Variants in ABCA12 observed in about 807,000 individuals in gnomAD.
ABCA12 encodes glucosylceramide transporter ABCA12.
In ABCA12, 156 loss-of-function variants were observed where a neutral mutation model predicts 293.5. The ratio of observed to expected loss-of-function variants is 0.53; its 90% CI spans 0.47 to 0.61. The LOEUF (loss-of-function observed/expected upper bound fraction) is 0.61, where lower values mean the gene tolerates loss of function less well. Among genes scored for constraint, ABCA12 ranks in the 20% least tolerant of loss-of-function variants. The pLI is 0.00. For missense variants in ABCA12, 2,797 were observed against 3,090.2 expected (o/e 0.91, Z 2.25); for synonymous variants, 1,063 against 1,108.0 (o/e 0.96, Z 0.81).
At position 215,019,441 on chromosome 2, in the gene ABCA12, C is replaced by A; in HGVS notation, c.1552G>T (p.Glu518Ter). ...KINLNMDQFLEQALQMNYLEN... is the reference protein window; with the variant it reads ...KINLNMDQFL ...AAGTAATTCATTTGCAGTGCCTGTT[C>A]TAGAAACCTGGAACAAAACAGAAAA... Residue 518 changes from glutamate (E) to a stop codon, truncating the protein, a stop_gained, in exon 13 of 53, where the codon GAA (glutamate) becomes TAA (stop). Transcript: ENST00000272895. LOFTEE classifies it high-confidence loss of function. The A allele has an allele frequency of 6.2e-7, 1 of 1,613,912 alleles. No individual in the cohort carries two copies. The highest frequency in any genetic ancestry group is 1.1e-5 in the South Asian group (1 of 91,078).
rs908928400 is a variant in ABCA12 at position 215,078,115 on chromosome 2, C to T, written c.164-13896G>A. 4.6e-5 allele frequency among the ~76,000 whole-genome samples: 7 copies of T among 152,196 alleles called. No individual in the cohort carries two copies. In the East Asian group the frequency reaches 5.8e-4, roughly 13 times the overall value. On this transcript the variant is annotated intron_variant, in intron 2 of 52. Transcript: ENST00000272895. The stretch of plus-strand genomic sequence containing the variant: ...TGTGAATTCCCAAGATCTCTCTTCT[C>T]GCATTTTTAAAAAACAGGTTAGCCA...
intron 1 of ABCA12, among the ~76,000 whole-genome samples, chr2:215,114,019 G>A (rs1702632103): frequency 6.6e-6 from 1 of 152,160 alleles, no homozygotes; most frequent in Admixed American, 6.5e-5. Flanking sequence ...TCTGTCGCCA[G>A]GCTGGAGTGC....
chr2:215,040,972 C>T (rs28848242), intron 7 of ABCA12, among the ~76,000 whole-genome samples: 12,922 of 152,060 alleles, frequency 0.085, 1,543 homozygotes, highest in African/African-American at 0.27. Flanking sequence ...CCTACTAAGC[C>T]GTGCAACCTG....
intron 2 of ABCA12, among the ~76,000 whole-genome samples, chr2:215,105,308 G>A (rs1397276262): frequency 1.3e-5 from 2 of 152,116 alleles, no homozygotes. Context: ...CCCTGGATGT[G>A]AGCTTGGCTT....
chr2:215,027,030 T>C, intron 9 of ABCA12, 92 bp from the exon 10 acceptor site: 2 of 931,960 alleles, frequency 2.1e-6, no homozygotes, highest in South Asian at 1.3e-5. Context: ...TGTTTGGCAT[T>C]GGTTGACTTG....
chr2:215,075,582 T>C (rs1173289224), intron 2 of ABCA12: 1 of 694,454 alleles, frequency 1.4e-6, no homozygotes. Flanking sequence ...ATCTGGGCCA[T>C]CCATCCATCA....
chr2:214,955,130 A>G, intron 43 of ABCA12, 72 bp downstream of exon 43: 2 of 1,535,904 alleles, frequency 1.3e-6, no homozygotes, highest in Non-Finnish European at 1.8e-6. Flanking sequence ...TTTTTTATGT[A>G]GAATAAATAA....
rs1698745415 is a variant in ABCA12 at position 214,950,924 on chromosome 2, CTTT to C, written c.6804_6806del (p.Lys2269del). 6.2e-7 allele frequency: 1 copy of C among 1,614,000 alleles called. No individual in the cohort carries two copies. The highest frequency in any genetic ancestry group is 1.1e-5 in the South Asian group (1 of 91,082). ...TGCTGATGTTGTTTACAGCTATAAT[CTTT>C]TTGTGGATAAGTTGGTAGGTCTTTG... On this transcript the variant is annotated inframe_deletion, in exon 45 of 53. Coordinates refer to ENST00000272895, the MANE Select transcript of ABCA12 (RefSeq NM_173076.3).
intron 18 of ABCA12, among the ~76,000 whole-genome samples, chr2:215,008,394 AAAAC>A (rs932216054): frequency 2.6e-5 from 4 of 151,786 alleles, no homozygotes; most frequent in African/African-American, 9.7e-5. Context: ...ATTAGCAAGA[AAAAC>A]ACACACACAC....
At chr2:214,950,579 A>G (rs934232471) in intron 45 of ABCA12, among the ~76,000 whole-genome samples, 5 of 149,398 alleles carry the variant, frequency 3.3e-5, no homozygotes, top group Non-Finnish European at 7.4e-5. Context: ...ATCTTGGCTC[A>G]CTGCAGCCTC....
Position 214,987,713 on chromosome 2 carries a change from T to C in ABCA12, c.3910A>G (p.Lys1304Glu). 6.2e-7 allele frequency: 1 copy of C among 1,614,098 alleles called. No individual in the cohort carries two copies. The highest frequency in any genetic ancestry group is 8.5e-7 in the Non-Finnish European group (1 of 1,179,974). The change falls in exon 27 of 53, where the codon AAG becomes GAG. Residue 1304 changes from lysine (K) to glutamate (E), a missense_variant. Coordinates refer to ENST00000272895, the MANE Select transcript of ABCA12 (RefSeq NM_173076.3). Reference protein sequence around the residue: ...WKERFGCAEVKPEKSNGLMFT... With the variant: ...WKERFGCAEVEPEKSNGLMFT... ...ATGAGGCCATTGCTCTTCTCAGGCT[T>C]CACCTCTGCACACCCAAATCGCTCC...
intron 1 of ABCA12, among the ~76,000 whole-genome samples, chr2:215,123,505 G>T (rs1702852327): frequency 6.6e-6 from 1 of 152,276 alleles, no homozygotes; most frequent in East Asian, 1.9e-4. Context: ...ACTGTTGGCG[G>T]ACACTTAGGT....
At chr2:214,985,311 C>T (rs544914355) in intron 28 of ABCA12, among the ~76,000 whole-genome samples, 5 of 152,010 alleles carry the variant, frequency 3.3e-5, no homozygotes, top group African/African-American at 1.2e-4. Context: ...GAACAGAAAA[C>T]CAAATACAAA....
chr2:215,093,956 T>C lies in ABCA12; in HGVS notation c.163+17641A>G, dbSNP rs545990084. ...TCACACTTGGTTTATTGATGGCAGT[T>C]CCACCAGGCCTAATAGCTACTCACC... On this transcript the variant is annotated intron_variant, in intron 2 of 52. Coordinates refer to ENST00000272895, the MANE Select transcript of ABCA12 (RefSeq NM_173076.3). Among the ~76,000 whole-genome samples the C allele has an allele frequency of 2.0e-5, 3 of 152,308 alleles. No individual in the cohort carries two copies. In the East Asian group the frequency reaches 5.8e-4, roughly 29 times the overall value.
chr2:214,988,081 T>C (rs1574964912), intron 26 of ABCA12, among the ~76,000 whole-genome samples: 1 of 152,184 alleles, frequency 6.6e-6, no homozygotes, highest in African/African-American at 2.4e-5. Context: ...CTACAAGTTG[T>C]GATTTTACAG....
chr2:214,992,360 G>A lies in ABCA12; in HGVS notation c.3295-1329C>T, dbSNP rs544038202. On this transcript the variant is annotated intron_variant, in intron 23 of 52. Coordinates refer to ENST00000272895, the MANE Select transcript of ABCA12 (RefSeq NM_173076.3). ...CAGGAGGCTGAGGCAGGAGAATGGCGTGAACCTGGGAGGCGGAGCTTGCAG... is the reference window on the plus strand; with the variant it reads ...CAGGAGGCTGAGGCAGGAGAATGGCATGAACCTGGGAGGCGGAGCTTGCAG... 5.1e-3 allele frequency among the ~76,000 whole-genome samples: 745 copies of A among 146,776 alleles called. 1 individual carries two copies. Among genetic ancestry groups the A allele is most frequent in the Non-Finnish European group, 6.5e-3 (433 of 66,704 alleles).
intron 36 of ABCA12, 82 bp from the exon 37 acceptor site, chr2:214,970,482 C>G: frequency 6.6e-7 from 1 of 1,514,288 alleles, no homozygotes; most frequent in South Asian, 1.1e-5. Context: ...GCTTCAGTCT[C>G]ATGATTTGTC....
chr2:214,999,126 T>C (rs1700092558), intron 22 of ABCA12, among the ~76,000 whole-genome samples: 1 of 152,194 alleles, frequency 6.6e-6, no homozygotes. Context: ...TTTTTTTTGT[T>C]GTTGTTTCCT....
intron 19 of ABCA12, among the ~76,000 whole-genome samples, chr2:215,005,295 T>C (rs1235899631): frequency 2.0e-5 from 3 of 152,208 alleles, no homozygotes; most frequent in Non-Finnish European, 4.4e-5. Context: ...TTTCATCACA[T>C]GTGTAAATTC....
Sources: gnomAD v4.1 joint callset for allele counts (sites outside exome capture counted in the v4.1 genomes callset) on GRCh38, gnomAD v4.1.1 for gene constraint, MANE v1.5 for transcripts, NCBI Gene and HGNC (gene_info 2026-07-23, HGNC 2026-07-21) for gene names.